EXD3: variants seen among roughly 807,000 people sequenced by gnomAD.
The protein encoded by EXD3 is exonuclease mut-7 homolog.
EXD3 carries 92 observed loss-of-function variants against 98.0 expected under a neutral mutation model. The observed-to-expected ratio is 0.94, with a 90% CI of 0.79 to 1.12. EXD3 has a LOEUF of 1.12. Among genes scored for constraint, EXD3 ranks in the 50% most tolerant of loss-of-function variants. The pLI is 0.00. For synonymous variants in EXD3, 569 were observed against 526.0 expected (o/e 1.08, Z -1.12); for missense variants, 1,222 against 1,191.6 (o/e 1.03, Z -0.38).
intron 5 of EXD3, among the ~76,000 whole-genome samples, chr9:137,370,808 T>C (rs1242426911): frequency 6.6e-6 from 1 of 151,330 alleles, no homozygotes; most frequent in Non-Finnish European, 1.5e-5. Flanking sequence ...TTTTTTTTTT[T>C]TTTAAAGCAA....
At chr9:137,392,942 G>A (rs56818148) in intron 2 of EXD3, 11,437 of 580,518 alleles carry the variant, frequency 0.02, 170 homozygotes, top group Middle Eastern at 0.056. Context: ...TCCAGGGAGG[G>A]CCATTAGTGT....
At chr9:137,357,685 GAC>G (rs1310095490) in intron 7 of EXD3, among the ~76,000 whole-genome samples, 2 of 150,692 alleles carry the variant, frequency 1.3e-5, no homozygotes, top group African/African-American at 4.9e-5. Context: ...TCTCTAGAGG[GAC>G]AGAACTCATA....
At chr9:137,335,679 A>AAAAT (rs570667391) in intron 17 of EXD3, among the ~76,000 whole-genome samples, 70 of 152,190 alleles carry the variant, frequency 4.6e-4, no homozygotes, top group African/African-American at 1.3e-3. Context: ...ACTTCATCTC[A>AAAAT]AAATAAATAA....
intron 19 of EXD3, among the ~76,000 whole-genome samples, chr9:137,319,573 A>G (rs1831912885): frequency 6.6e-6 from 1 of 152,136 alleles, no homozygotes; most frequent in Non-Finnish European, 1.5e-5. Flanking sequence ...AACTTTCTAG[A>G]GCACATGGTC....
At chr9:137,372,378 G>A (rs1835669410) in intron 5 of EXD3, among the ~76,000 whole-genome samples, 1 of 152,170 alleles carries the variant, frequency 6.6e-6, no homozygotes, top group Admixed American at 6.5e-5. Flanking sequence ...TGGGAGGCGG[G>A]GCCGGCACCA....
intron 19 of EXD3, among the ~76,000 whole-genome samples, chr9:137,312,045 C>A (rs779498128): frequency 6.6e-6 from 1 of 152,150 alleles, no homozygotes; most frequent in Non-Finnish European, 1.5e-5. Context: ...GGGCACTCGG[C>A]GGGCCAGGAC....
In EXD3 at chr9:137,307,257, G is replaced by T; in HGVS notation, c.2324C>A (p.Ala775Asp). Residue 775 changes from alanine to aspartate, a missense_variant, in exon 22 of 22, where the codon GCC becomes GAC. By Grantham distance (126) the Ala-to-Asp change is moderately radical. Coordinates refer to ENST00000340951, the MANE Select transcript of EXD3 (RefSeq NM_017820.5). ...GCAGCCCTCAGGGGCTGCGTCTGGG[G>T]CTGGGCCTGGACAGATAGAAGTGGA... The part of the protein sequence containing the change: ...QSQAVQEPGP[A>D]PDAAPEGCTY... The T allele has an allele frequency of 6.5e-7, 1 of 1,531,708 alleles. No homozygotes were observed. The highest frequency in any genetic ancestry group is 8.8e-7 in the Non-Finnish European group (1 of 1,141,564). The allele number at this position is 1,531,708 out of a possible 1,614,324, so 94.9% of individuals were successfully genotyped here.
chr9:137,356,815 T>C (rs1834813681), intron 7 of EXD3, among the ~76,000 whole-genome samples: 1 of 152,176 alleles, frequency 6.6e-6, no homozygotes, highest in Non-Finnish European at 1.5e-5. Flanking sequence ...CCTGGTCCCT[T>C]GATACTTGGC....
intron 14 of EXD3, among the ~76,000 whole-genome samples, chr9:137,350,798 C>T (rs1374396727): frequency 6.6e-6 from 1 of 152,050 alleles, no homozygotes; most frequent in Non-Finnish European, 1.5e-5. Context: ...GGTGCCCTCA[C>T]ACCAGATAAC....
At chr9:137,342,680 A>G (rs1482916656) in intron 17 of EXD3, among the ~76,000 whole-genome samples, 1 of 152,230 alleles carries the variant, frequency 6.6e-6, no homozygotes, top group Non-Finnish European at 1.5e-5. Context: ...GGGAAGGTTT[A>G]TATCAGTCAG....
rs2119041099 is a variant in EXD3 at position 137,309,671 on chromosome 9, G to A, written c.2214C>T (p.Val738=). Residue 738 remains valine (V), a synonymous_variant, in exon 20 of 22, where the codon GTC becomes GTT. Transcript: ENST00000340951. The part of the protein sequence containing the change: ...QACNCDQYLK[V]SRDMMKQLMW... ...TGAGCTGCTTCATCATGTCCCTGGA[G>A]ACCTTTAGGTACTGGTCACAGTTAC... 1.3e-6 allele frequency: 2 copies of A among 1,559,004 alleles called. No homozygotes were observed.
At chr9:137,326,976 C>T (rs549691920) in intron 17 of EXD3, among the ~76,000 whole-genome samples, 45 of 151,822 alleles carry the variant, frequency 3.0e-4, no homozygotes, top group East Asian at 9.6e-4. Context: ...TAAACCCTTA[C>T]GACACGCCGA....
chr9:137,315,232 G>A (rs1210697721), intron 19 of EXD3, among the ~76,000 whole-genome samples: 1 of 152,218 alleles, frequency 6.6e-6, no homozygotes, highest in East Asian at 1.9e-4. Context: ...TCCCGTGAGG[G>A]GCCTCAGCCT....
At chr9:137,414,636 T>C (rs1838154343) in intron 1 of EXD3, among the ~76,000 whole-genome samples, 1 of 152,206 alleles carries the variant, frequency 6.6e-6, no homozygotes, top group Non-Finnish European at 1.5e-5. Flanking sequence ...CTGTCTTTCG[T>C]TTTTTTAAAC....
intron 2 of EXD3, among the ~76,000 whole-genome samples, chr9:137,387,340 C>T (rs977920658): frequency 2.6e-5 from 4 of 152,258 alleles, no homozygotes; most frequent in African/African-American, 9.6e-5. Flanking sequence ...ACATGGTGCT[C>T]ACAGCCCACG....
intron 17 of EXD3, among the ~76,000 whole-genome samples, chr9:137,344,085 G>A (rs1833799851): frequency 6.6e-6 from 1 of 150,584 alleles, no homozygotes. Flanking sequence ...TAGAGACGGG[G>A]TTTCACCGTG....
chr9:137,384,527 C>T (rs1310195412), intron 2 of EXD3, among the ~76,000 whole-genome samples: 1 of 152,198 alleles, frequency 6.6e-6, no homozygotes, highest in Non-Finnish European at 1.5e-5. Flanking sequence ...CAGGGCAGCA[C>T]GTAAGGATGC....
intron 19 of EXD3, among the ~76,000 whole-genome samples, chr9:137,320,880 G>C (rs574398008): frequency 1.3e-5 from 2 of 152,192 alleles, no homozygotes; most frequent in African/African-American, 2.4e-5. Context: ...AGGCGTCCCG[G>C]ACATCCTGGG....
At position 137,395,385 on chromosome 9, in the gene EXD3, A is replaced by C; in HGVS notation, c.-28T>G. On this transcript the variant is annotated 5_prime_UTR_variant, in exon 2 of 22. Coordinates refer to ENST00000340951, the MANE Select transcript of EXD3 (RefSeq NM_017820.5). This position sits in a 1 kb window ranked among gnomAD's most constrained non-coding sequence, Gnocchi z 6.5. The stretch of plus-strand genomic sequence containing the variant: ...TCAGGGCCGGGCCGAGGACGCTGGC[A>C]GGCAGCTAGGAACGAGGATCTGCAG... 6.2e-7 allele frequency: 1 copy of C among 1,613,196 alleles called. No individual in the cohort carries two copies. The highest frequency in any genetic ancestry group is 8.5e-7 in the Non-Finnish European group (1 of 1,179,786).
Sources: gnomAD v4.1 joint callset for allele counts (sites outside exome capture counted in the v4.1 genomes callset) on GRCh38, gnomAD v4.1.1 for gene constraint, Gnocchi (gnomAD v3.1) non-coding constraint, MANE v1.5 for transcripts, NCBI Gene and HGNC (gene_info 2026-07-23, HGNC 2026-07-21) for gene names.